Variants in MLYCD observed in about 807,000 individuals in gnomAD.
The protein encoded by MLYCD is malonyl-CoA decarboxylase.
In MLYCD, 27 loss-of-function variants were observed where a neutral mutation model predicts 35.8. The observed-to-expected ratio is 0.75, with a 90% CI of 0.56 to 1.04. MLYCD has a LOEUF of 1.04. MLYCD is among the 50% of genes least tolerant of loss of function. MLYCD has a pLI of 0.00. For synonymous variants in MLYCD, 403 were observed against 302.4 expected (o/e 1.33, Z -3.45); for missense variants, 917 against 665.1 (o/e 1.38, Z -4.17).
chr16:83,912,858 C>G (rs538696786), intron 4 of MLYCD: 52 of 220,988 alleles, frequency 2.4e-4, no homozygotes, highest in African/African-American at 1.1e-3. Context: ...TGAGGTGAGA[C>G]CAGACAGCTC....
Position 83,899,267 on chromosome 16 carries a change from C to A in MLYCD, c.123C>A (p.Asp41Glu), listed in dbSNP as rs910397361. Residue 41 changes from aspartate (D) to glutamate (E), a missense_variant, in exon 1 of 5, where the codon GAC becomes GAA. Transcript: ENST00000262430. ...CCGGCGCCCTGGAGCGGGCCATGGA[C>A]GAGCTGCTGCGCCGCGCGGTGCCGC... ...QAAGALERAM[D>E]ELLRRAVPPT... 9 of 1,451,494 alleles carry A rather than the reference C, an allele frequency of 6.2e-6. No individual in the cohort carries two copies. The Admixed American group carries it at 2.2e-4, about 35-fold the overall frequency. 89.9% of individuals were successfully genotyped at this position (1,451,494 alleles called of 1,614,324 possible).
Position 83,899,905 on chromosome 16 carries a change from T to C in MLYCD, c.528+233T>C, listed in dbSNP as rs141752709. Among the ~76,000 whole-genome samples the C allele has an allele frequency of 4.7e-4, 71 of 152,372 alleles. 1 individual carries two copies. In the East Asian group the frequency reaches 0.013, roughly 28 times the overall value. Reference sequence around the variant, plus strand: ...TCTGTCCTTGAAGTCCTCACTTGTATAGTGTTTACTAAATACTCAGCACTT... The same window carrying C: ...TCTGTCCTTGAAGTCCTCACTTGTACAGTGTTTACTAAATACTCAGCACTT... On this transcript the variant is annotated intron_variant, in intron 1 of 4. Transcript: ENST00000262430.
rs1164500214 is a variant in MLYCD at position 83,922,630 on chromosome 16, C to G, written c.*7141C>G. ...TCTTTAAGTGGCAGTAACCATAGTA[C>G]CGACCCCACAGCCTGCTGAGAGGCT... On this transcript the variant is annotated 3_prime_UTR_variant, in exon 5 of 5. Transcript: ENST00000262430. The G allele has an allele frequency of 6.6e-6, 1 of 152,256 alleles. No homozygotes were observed. Among genetic ancestry groups the G allele is most frequent in the African/African-American group, 2.4e-5 (1 of 41,450 alleles). 9.4% of individuals were successfully genotyped at this position (152,256 alleles called of 1,614,324 possible).
At chr16:83,903,713 G>A (rs1221661499) in intron 1 of MLYCD, among the ~76,000 whole-genome samples, 1 of 152,162 alleles carries the variant, frequency 6.6e-6, no homozygotes, top group East Asian at 1.9e-4. Context: ...GGGAGGTTCA[G>A]CTGAGCCCGG....
rs913294798 is a variant in MLYCD, at chr16:83,921,614, G to A, written c.*6125G>A. 3 of 152,120 alleles carry A rather than the reference G, an allele frequency of 2.0e-5. No individual in the cohort carries two copies. The highest frequency in any genetic ancestry group is 7.2e-5 in the African/African-American group (3 of 41,408). 9.4% of individuals were successfully genotyped at this position (152,120 alleles called of 1,614,324 possible). On this transcript the variant is annotated 3_prime_UTR_variant, in exon 5 of 5. Coordinates refer to ENST00000262430, the MANE Select transcript of MLYCD (RefSeq NM_012213.3). ...CCATCATAAGGAGAAAGAGCCTGTC[G>A]TCCCTCTATGATACTGCACTGAACC...
At position 83,899,187 on chromosome 16, in the gene MLYCD, C is replaced by T; in HGVS notation, c.43C>T (p.Pro15Ser). Reference sequence around the variant, plus strand: ...AGGCTTGACGGCCAGGCGTCTCCTCCCGCTGCGGTTGCCCCCGCGGCCGCC... The same window carrying T: ...AGGCTTGACGGCCAGGCGTCTCCTCTCGCTGCGGTTGCCCCCGCGGCCGCC... ...GPGLTARRLL[P>S]LRLPPRPPGP... is the part of the protein sequence containing the mutation. Residue 15 changes from proline to serine, a missense_variant, in exon 1 of 5, where the codon CCG (proline) becomes TCG (serine). By Grantham distance (74) the Pro-to-Ser change is moderately conservative. Transcript: ENST00000262430. 8.5e-7 allele frequency: 1 copy of T among 1,172,956 alleles called. No homozygotes were observed. Among genetic ancestry groups the T allele is most frequent in the Non-Finnish European group, 1.0e-6 (1 of 953,818 alleles). The allele number at this position is 1,172,956 out of a possible 1,614,324, so 72.7% of individuals were successfully genotyped here. A position where few individuals can be genotyped will look rare whatever the true frequency, so the allele number is the denominator to read the frequency against.
At chr16:83,910,800 C>T (rs887100933) in intron 3 of MLYCD, among the ~76,000 whole-genome samples, 1 of 152,172 alleles carries the variant, frequency 6.6e-6, no homozygotes, top group African/African-American at 2.4e-5. Context: ...CAGCGGGCCC[C>T]TCTCGGGCCT....
intron 1 of MLYCD, among the ~76,000 whole-genome samples, chr16:83,900,560 T>C (rs1264838247): frequency 1.3e-5 from 2 of 149,990 alleles, no homozygotes; most frequent in Non-Finnish European, 3.0e-5. Context: ...GGACTACAGG[T>C]GCAGGCCACC....
rs1907384012 is a variant in MLYCD, at chr16:83,916,290, G to C, written c.*801G>C. The C allele has an allele frequency of 2.7e-6, 2 of 742,558 alleles. No homozygotes were observed. The highest frequency in any genetic ancestry group is 3.2e-4 in the Middle Eastern group (1 of 3,110). The allele number at this position is 742,558 out of a possible 1,614,324, so 46.0% of individuals were successfully genotyped here. On this transcript the variant is annotated 3_prime_UTR_variant, in exon 5 of 5. Coordinates refer to ENST00000262430, the MANE Select transcript of MLYCD (RefSeq NM_012213.3). ...GGGATGAAGGAGCCTGGGGTGTGTT[G>C]GATGAGAACAAAGGTGAAGGAAGGG...
intron 1 of MLYCD, among the ~76,000 whole-genome samples, chr16:83,900,693 G>C (rs1906754955): frequency 1.3e-5 from 2 of 150,602 alleles, no homozygotes; most frequent in Non-Finnish European, 2.9e-5. Flanking sequence ...GGAAGTTTTG[G>C]ACATTCAGAA....
In MLYCD at chr16:83,921,310, A is replaced by C. The variant is rs1907645628; in HGVS notation, c.*5821A>C. On this transcript the variant is annotated 3_prime_UTR_variant, in exon 5 of 5. Transcript: ENST00000262430. ...GGAGGGCAGAGTGTTAATGGAAGGA[A>C]GATGAATGGATAGATGGAGGGTAGA... 1 of 146,100 alleles carries C rather than the reference A, an allele frequency of 6.8e-6. No individual in the cohort carries two copies. The highest frequency in any genetic ancestry group is 1.5e-5 in the Non-Finnish European group (1 of 66,660). 9.1% of individuals were successfully genotyped at this position (146,100 alleles called of 1,614,324 possible). A position where few individuals can be genotyped will look rare whatever the true frequency, so the allele number is the denominator to read the frequency against.
intron 4 of MLYCD, chr16:83,914,439 C>G (rs1907297580): frequency 4.9e-6 from 1 of 205,706 alleles, no homozygotes; most frequent in African/African-American, 2.3e-5. Context: ...AAGACAAGGC[C>G]TGCAGTGAGT....
rs1906691947 is a variant in MLYCD at position 83,899,363 on chromosome 16, C to G, written c.219C>G (p.Ser73Arg). The G allele has an allele frequency of 6.5e-7, 1 of 1,527,634 alleles. No individual in the cohort carries two copies. Among genetic ancestry groups the G allele is most frequent in the African/African-American group, 1.4e-5 (1 of 70,124 alleles). The allele number at this position is 1,527,634 out of a possible 1,614,324, so 94.6% of individuals were successfully genotyped here. ...PAEGQCADFV[S>R]FYGGLAETAQ... Reference sequence around the variant, plus strand: ...AGGGTCAGTGCGCGGACTTCGTGAGCTTCTACGGTGGGCTGGCCGAGACGG... The same window carrying G: ...AGGGTCAGTGCGCGGACTTCGTGAGGTTCTACGGTGGGCTGGCCGAGACGG... Residue 73 changes from serine (S) to arginine (R), a missense_variant, in exon 1 of 5, where the codon AGC (serine) becomes AGG (arginine). By Grantham distance (110) the Ser-to-Arg change is moderately radical (BLOSUM62 -1). Transcript: ENST00000262430.
rs1181171062 is a variant in MLYCD at position 83,916,855 on chromosome 16, G to T, written c.*1366G>T. 1 of 133,682 alleles carries T rather than the reference G, an allele frequency of 7.5e-6. No individual in the cohort carries two copies. Among genetic ancestry groups the T allele is most frequent in the African/African-American group, 2.9e-5 (1 of 34,820 alleles). The allele number at this position is 133,682 out of a possible 1,614,324, so 8.3% of individuals were successfully genotyped here. A position where few individuals can be genotyped will look rare whatever the true frequency, so the allele number is the denominator to read the frequency against. On this transcript the variant is annotated 3_prime_UTR_variant, in exon 5 of 5. Coordinates refer to ENST00000262430, the MANE Select transcript of MLYCD (RefSeq NM_012213.3). ...CGTCTCTGTGTGTCAGTGCACGTCT[G>T]TGTGCGTGTGCCCGAGCGTCTCTGT... is the stretch of plus-strand genomic sequence containing the variant.
At position 83,915,733 on chromosome 16, in the gene MLYCD, C is replaced by T. The variant is rs1597295988; in HGVS notation, c.*244C>T. On this transcript the variant is annotated 3_prime_UTR_variant, in exon 5 of 5. Transcript: ENST00000262430. ...AAATGAGTGGGTTGCTGTGCTGTCT[C>T]CGGAAGATTCTGTCGTTGCCCTTGG... is the stretch of plus-strand genomic sequence containing the variant. 4 of 1,389,808 alleles carry T rather than the reference C, an allele frequency of 2.9e-6. No homozygotes were observed. The highest frequency in any genetic ancestry group is 2.8e-6 in the Non-Finnish European group (3 of 1,068,904). The allele number at this position is 1,389,808 out of a possible 1,614,324, so 86.1% of individuals were successfully genotyped here. A position where few individuals can be genotyped will look rare whatever the true frequency, so the allele number is the denominator to read the frequency against.
chr16:83,904,252 A>G (rs77204524), intron 1 of MLYCD, among the ~76,000 whole-genome samples: 12,034 of 152,212 alleles, frequency 0.079, 620 homozygotes, highest in East Asian at 0.14. Flanking sequence ...ATCCGTTCCT[A>G]AACTGGGGTA....
In MLYCD at chr16:83,920,183, T is replaced by A. The variant is rs1230364815; in HGVS notation, c.*4694T>A. On this transcript the variant is annotated 3_prime_UTR_variant, in exon 5 of 5. Coordinates refer to ENST00000262430, the MANE Select transcript of MLYCD (RefSeq NM_012213.3). ...ACACACCCTGTGCACAGTTTTGTTT[T>A]GTTTTGCTTTTGCAATTCCAGGGAG... The A allele has an allele frequency of 1.3e-5, 2 of 152,178 alleles. No individual in the cohort carries two copies. The highest frequency in any genetic ancestry group is 4.8e-5 in the African/African-American group (2 of 41,456). 9.4% of individuals were successfully genotyped at this position (152,178 alleles called of 1,614,324 possible).
At position 83,917,823 on chromosome 16, in the gene MLYCD, C is replaced by T. The variant is rs1006744787; in HGVS notation, c.*2334C>T. On this transcript the variant is annotated 3_prime_UTR_variant, in exon 5 of 5. Transcript: ENST00000262430. ...CCTCCAGAGTGCCATGGACAGATCA[C>T]CCATTCTCGATCACTCCGGCAGCCT... The T allele has an allele frequency of 1.3e-5, 2 of 152,306 alleles. No individual in the cohort carries two copies. Among genetic ancestry groups the T allele is most frequent in the African/African-American group, 2.4e-5 (1 of 41,466 alleles). The allele number at this position is 152,306 out of a possible 1,614,324, so 9.4% of individuals were successfully genotyped here. A position where few individuals can be genotyped will look rare whatever the true frequency, so the allele number is the denominator to read the frequency against.
At position 83,916,283 on chromosome 16, in the gene MLYCD, G is replaced by T. The variant is rs527871035; in HGVS notation, c.*794G>T. On this transcript the variant is annotated 3_prime_UTR_variant, in exon 5 of 5. Coordinates refer to ENST00000262430, the MANE Select transcript of MLYCD (RefSeq NM_012213.3). ...GGAGTTTGGGATGAAGGAGCCTGGG[G>T]TGTGTTGGATGAGAACAAAGGTGAA... The T allele has an allele frequency of 1.2e-6, 1 of 818,624 alleles. No individual in the cohort carries two copies. Among genetic ancestry groups the T allele is most frequent in the East Asian group, 1.3e-4 (1 of 7,954 alleles). The allele number at this position is 818,624 out of a possible 1,614,324, so 50.7% of individuals were successfully genotyped here.
Sources: gnomAD v4.1 joint callset for allele counts (sites outside exome capture counted in the v4.1 genomes callset) on GRCh38, gnomAD v4.1.1 for gene constraint, MANE v1.5 for transcripts, NCBI Gene and HGNC (gene_info 2026-07-23, HGNC 2026-07-21) for gene names.